FAS: variants seen among roughly 807,000 people sequenced by gnomAD.
FAS encodes tumor necrosis factor receptor superfamily member 6.
A neutral mutation model predicts 33.2 loss-of-function variants in FAS; 5 were observed. That is an observed-to-expected ratio of 0.15 (90% CI 0.08 to 0.32). FAS has a LOEUF of 0.32. Ranked by LOEUF, FAS falls within the 10% of genes least tolerant of loss-of-function variation. The pLI, the probability that FAS is intolerant of heterozygous loss-of-function variation, is 1.00. For missense variants in FAS, 339 were observed against 386.0 expected, an observed-to-expected ratio of 0.88 and a Z score of 1.02; for synonymous variants, 131 against 130.7, an observed-to-expected ratio of 1.00 and a Z score of -0.01.
upstream of FAS, among the ~76,000 whole-genome samples, chr10:88,985,085 A>T (rs1846837495): frequency 6.6e-6 from 1 of 152,218 alleles, no homozygotes; most frequent in Non-Finnish European, 1.5e-5. Flanking sequence ...AAATTGCTAC[A>T]ACAAAATAAT....
intron 1 of FAS, chr10:88,973,060 TTG>T (rs1846485646): frequency 6.2e-6 from 7 of 1,132,006 alleles, no homozygotes; most frequent in Admixed American, 2.6e-5. Flanking sequence ...AAAGCTAACC[TTG>T]TAAGTACTTA....
At chr10:88,964,220 C>T (rs990850900) in intron 1 of FAS, among the ~76,000 whole-genome samples, 6 of 151,822 alleles carry the variant, frequency 4.0e-5, no homozygotes, top group Admixed American at 2.0e-4. Flanking sequence ...TATCTGGAAC[C>T]CCTGCAAAAA....
chr10:89,013,894 T>C (rs912705493), intron 8 of FAS, among the ~76,000 whole-genome samples: 20 of 152,202 alleles, frequency 1.3e-4, no homozygotes, highest in Non-Finnish European at 2.4e-4. Context: ...TACAGAAATG[T>C]TATGTATTGT....
At chr10:89,012,207 TTG>T in intron 7 of FAS, 126 bp downstream of exon 7, 2 of 822,322 alleles carry the variant, frequency 2.4e-6, no homozygotes, top group Non-Finnish European at 2.0e-6. Flanking sequence ...AGATGGAGTC[TTG>T]CTCCATAGCC....
Position 89,009,823 on chromosome 10 carries a change from A to G in FAS, c.444-716A>G, listed in dbSNP as rs190293237. Among the ~76,000 whole-genome samples the G allele has an allele frequency of 2.6e-5, 4 of 152,346 alleles. No individual in the cohort carries two copies. The East Asian group carries it at 5.8e-4, about 22-fold the overall frequency. On this transcript the variant is annotated intron_variant, in intron 4 of 8. Coordinates refer to ENST00000652046, the MANE Select transcript of FAS (RefSeq NM_000043.6). ...AAGCAGCTGACTTAGTAAAATAATA[A>G]CAATAATAGTAATTCCAAATATTTC...
chr10:88,974,216 G>A (rs569480960), intron 2 of FAS: 7 of 151,644 alleles, frequency 4.6e-5, no homozygotes, highest in South Asian at 4.2e-4. Context: ...CCTGACTAAC[G>A]TGGGTGGAAT....
rs1464454458 is a variant in FAS, at chr10:88,991,096, G to A, written c.30+190G>A. 14 of 696,872 alleles carry A rather than the reference G, an allele frequency of 2.0e-5. No homozygotes were observed. In the African/African-American group the frequency reaches 2.3e-4, roughly 11 times the overall value. 43.2% of individuals were successfully genotyped at this position (696,872 alleles called of 1,614,324 possible). On this transcript the variant is annotated intron_variant, in intron 1 of 8. Transcript: ENST00000652046. ...GCTGTTAGGACCTTCCCTCAGGCCC[G>A]GGTGCTCAGAACGCTGGAGGACTTG...
rs749396310 is a variant in FAS at position 89,013,389 on chromosome 10, T to A, written c.676+22T>A. 1.4e-4 allele frequency: 230 copies of A among 1,610,010 alleles called. 1 individual carries two copies. In the Admixed American group the frequency reaches 3.7e-3, roughly 26 times the overall value. On this transcript the variant is annotated intron_variant, in intron 8 of 8. Transcript: ENST00000652046. ...TCTGGTAAGGCTTTTATCATTTTAT[T>A]TCATAGAGATGGCATCCTTTAGAGT...
chr10:88,982,039 G>A (rs1846724688), upstream of FAS, among the ~76,000 whole-genome samples: 1 of 152,212 alleles, frequency 6.6e-6, no homozygotes, highest in Admixed American at 6.5e-5. Flanking sequence ...AACACATAGT[G>A]AGTGCTTGAT....
At chr10:88,971,912 C>CTT (rs547839484) in intron 1 of FAS, among the ~76,000 whole-genome samples, 1 of 139,976 alleles carries the variant, frequency 7.1e-6, no homozygotes, top group African/African-American at 2.6e-5. Flanking sequence ...AAGGGGACTA[C>CTT]TTTTTTTTTT....
chr10:88,982,417 T>C (rs1416427044), upstream of FAS, among the ~76,000 whole-genome samples: 1 of 152,130 alleles, frequency 6.6e-6, no homozygotes. Context: ...CGAGCTTAAA[T>C]GTGTTTTTTT....
intron 1 of FAS, among the ~76,000 whole-genome samples, chr10:88,964,086 T>C (rs1212604404): frequency 2.0e-5 from 3 of 152,040 alleles, no homozygotes; most frequent in Non-Finnish European, 4.4e-5. Context: ...GTGTATTTTG[T>C]TATATATTTT....
At chr10:88,988,240 C>G (rs1180667583), upstream of FAS, among the ~76,000 whole-genome samples, 1 of 152,016 alleles carries the variant, frequency 6.6e-6, no homozygotes, top group Non-Finnish European at 1.5e-5. Flanking sequence ...GTACTATTAC[C>G]AGAAGGAAGA....
chr10:88,975,648 T>C (rs116685988), intron 2 of FAS, among the ~76,000 whole-genome samples: 1,991 of 152,208 alleles, frequency 0.013, 47 homozygotes, highest in African/African-American at 0.046. Flanking sequence ...TAGGATTTTT[T>C]TTTTTCAATG....
chr10:88,973,316 G>A, exon 2 of FAS: 1 of 1,573,578 alleles, frequency 6.4e-7, no homozygotes, highest in South Asian at 1.2e-5. Flanking sequence ...AGCTCTGAGA[G>A]AGACAAGAAG....
intron 4 of FAS, among the ~76,000 whole-genome samples, chr10:89,009,591 G>A (rs1256326785): frequency 6.6e-6 from 1 of 152,200 alleles, no homozygotes; most frequent in African/African-American, 2.4e-5. Flanking sequence ...GGCTAAAGAG[G>A]TTGGTTTTGA....
chr10:88,992,616 CTT>C (rs1379184092), intron 1 of FAS: 5 of 152,140 alleles, frequency 3.3e-5, no homozygotes, highest in East Asian at 1.9e-4. Context: ...TTAGGTATAA[CTT>C]ATATTTGTAT....
At position 89,015,317 on chromosome 10, in the gene FAS, G is replaced by T. The variant is rs758042205; in HGVS notation, c.*867G>T. 32 of 534,586 alleles carry T rather than the reference G, an allele frequency of 6.0e-5. No homozygotes were observed. Among genetic ancestry groups the T allele is most frequent in the Non-Finnish European group, 1.0e-4 (28 of 276,660 alleles). 33.1% of individuals were successfully genotyped at this position (534,586 alleles called of 1,614,324 possible). ...GGCAAGACTGCCCTTAGAAATTCTA[G>T]CCTGGTTTGGAGATACTAACTGCTC... On this transcript the variant is annotated 3_prime_UTR_variant, in exon 9 of 9. Transcript: ENST00000652046.
upstream of FAS, chr10:88,990,631 T>C: frequency 1.4e-6 from 1 of 690,088 alleles, no homozygotes; most frequent in South Asian, 1.5e-5. This position sits in a 1 kb window ranked among gnomAD's most constrained non-coding sequence, Gnocchi z 4.9. Flanking sequence ...CACCGGGGCT[T>C]TTCGTGAGCT....
Sources: gnomAD v4.1 joint callset for allele counts (sites outside exome capture counted in the v4.1 genomes callset) on GRCh38, gnomAD v4.1.1 for gene constraint, Gnocchi (gnomAD v3.1) non-coding constraint, MANE v1.5 for transcripts, NCBI Gene and HGNC (gene_info 2026-07-23, HGNC 2026-07-21) for gene names.